Variants in LDHC observed in about 807,000 individuals in gnomAD.
LDHC encodes lactate dehydrogenase C.
A neutral mutation model predicts 30.2 loss-of-function variants in LDHC; 20 were observed. That is an observed-to-expected ratio of 0.66 (90% CI 0.47 to 0.96). The LOEUF (loss-of-function observed/expected upper bound fraction) is 0.96. Ranked by LOEUF, LDHC falls within the 40% of genes least tolerant of loss-of-function variation. The pLI is 0.00. For synonymous variants in LDHC, 139 were observed against 132.7 expected (o/e 1.05, Z -0.32); for missense variants, 362 against 394.9 (o/e 0.92, Z 0.71).
chr11:18,434,601 C>T (rs1182286527), intron 4 of LDHC, 139 bp from the exon 5 acceptor site: 1 of 585,774 alleles, frequency 1.7e-6, no homozygotes. Context: ...GCGTGAGCCA[C>T]CGCACCCAGC....
At chr11:18,429,985 T>C (rs1018782625) in intron 4 of LDHC, 75 bp downstream of exon 4, 3 of 895,852 alleles carry the variant, frequency 3.3e-6, no homozygotes, top group African/African-American at 3.3e-5. Flanking sequence ...ATCAACTTCA[T>C]TGAGTTAACA....
At chr11:18,430,094 A>C (rs1046107746) in intron 4 of LDHC, among the ~76,000 whole-genome samples, 184 bp downstream of exon 4, 1 of 152,186 alleles carries the variant, frequency 6.6e-6, no homozygotes, top group Non-Finnish European at 1.5e-5. Context: ...AAGATACAAA[A>C]CATTTCAGCT....
At chr11:18,412,479 G>C in intron 1 of LDHC, 71 bp downstream of exon 1, 2 of 452,694 alleles carry the variant, frequency 4.4e-6, no homozygotes, top group Non-Finnish European at 4.1e-6. Context: ...GTGTGGTGCT[G>C]GGGTGAAAGT....
At chr11:18,432,035 A>C (rs1590229741) in intron 4 of LDHC, among the ~76,000 whole-genome samples, 1 of 151,736 alleles carries the variant, frequency 6.6e-6, no homozygotes, top group East Asian at 1.9e-4. Context: ...TTGTTTCTCT[A>C]GTTCCTTGAG....
intron 6 of LDHC, among the ~76,000 whole-genome samples, chr11:18,439,828 A>AAAAC (rs1554964770): frequency 6.9e-6 from 1 of 144,830 alleles, no homozygotes; most frequent in Admixed American, 7.1e-5. Context: ...AAAAAAAAAA[A>AAAAC]AAAAAAAACA....
chr11:18,442,685 CAG>C (rs1180153437), intron 6 of LDHC, among the ~76,000 whole-genome samples: 10 of 111,394 alleles, frequency 9.0e-5, no homozygotes, highest in Admixed American at 4.9e-4. Flanking sequence ...TTTTTTGAGA[CAG>C]AGTCTTGCTC....
chr11:18,446,241 A>G lies in LDHC; in HGVS notation c.742A>G (p.Thr248Ala). ...TGAAATTATCAAGCTGAAGGGGTAT[A>G]CCTCTTGGGCTATTGGACTGTCTGT... ...AYEIIKLKGY[T>A]SWAIGLSVMD... Residue 248 changes from threonine (T) to alanine (A), a missense_variant, in exon 7 of 8, where the codon ACC (threonine) becomes GCC (alanine). Physicochemically the swap from Thr to Ala is moderately conservative, Grantham distance 58. Coordinates refer to ENST00000541669, the MANE Select transcript of LDHC (RefSeq NM_017448.5). 1 of 1,602,694 alleles carries G rather than the reference A, an allele frequency of 6.2e-7. No individual in the cohort carries two copies. Among genetic ancestry groups the G allele is most frequent in the Non-Finnish European group, 8.5e-7 (1 of 1,169,782 alleles).
rs2133847371 is a variant in LDHC at position 18,446,424 on chromosome 11, G to A, written c.834+91G>A. The A allele has an allele frequency of 1.5e-5, 14 of 946,650 alleles. No homozygotes were observed. The East Asian group carries it at 1.5e-4, about 10-fold the overall frequency. The allele number at this position is 946,650 out of a possible 1,614,324, so 58.6% of individuals were successfully genotyped here. ...GCCAGGCAGTGTACAAGATGTTGAG[G>A]ATATAATAGTGAATAAAAAATACAA... On this transcript the variant is annotated intron_variant, in intron 7 of 7. Transcript: ENST00000541669.
chr11:18,421,649 G>T (rs1848055448), intron 3 of LDHC, among the ~76,000 whole-genome samples: 1 of 150,468 alleles, frequency 6.6e-6, no homozygotes, highest in Admixed American at 6.6e-5. Context: ...CTCCAGCCTG[G>T]GTGACAAGAG....
At chr11:18,415,736 A>C (rs1484836480) in intron 3 of LDHC, among the ~76,000 whole-genome samples, 2 of 151,810 alleles carry the variant, frequency 1.3e-5, no homozygotes, top group Non-Finnish European at 2.9e-5. Context: ...TCTGTTGCCC[A>C]GGCTGGAGTG....
chr11:18,439,397 T>C (rs974512951), intron 6 of LDHC, among the ~76,000 whole-genome samples: 2 of 149,022 alleles, frequency 1.3e-5, no homozygotes, highest in Non-Finnish European at 3.0e-5. Flanking sequence ...ACCCCATCTC[T>C]TCTAAAAATA....
chr11:18,439,828 AAAAAAAAAC>A (rs1355661007), intron 6 of LDHC, among the ~76,000 whole-genome samples: 1 of 144,830 alleles, frequency 6.9e-6, no homozygotes, highest in Non-Finnish European at 1.5e-5. Flanking sequence ...AAAAAAAAAA[AAAAAAAAAC>A]AAAAATTAGC....
intron 2 of LDHC, among the ~76,000 whole-genome samples, chr11:18,414,391 A>G (rs1004298311): frequency 2.6e-4 from 39 of 152,174 alleles, no homozygotes; most frequent in African/African-American, 8.2e-4. Flanking sequence ...TGGAAAAGAG[A>G]AATTCTATTA....
Position 18,438,635 on chromosome 11 carries a change from G to A in LDHC, c.700G>A (p.Val234Ile). ...KEHWKNIHKQ[V>I]IQSAYEIIKL... ...ACACTGGAAAAATATCCATAAACAA[G>A]TTATTCAAAGGTAATAGTACCTATT... is the stretch of plus-strand genomic sequence containing the variant. Residue 234 changes from valine (V) to isoleucine (I), a missense_variant, in exon 6 of 8, where the codon GTT becomes ATT. Physicochemically the swap from Val to Ile is conservative, Grantham distance 29. Coordinates refer to ENST00000541669, the MANE Select transcript of LDHC (RefSeq NM_017448.5). 1.3e-6 allele frequency: 2 copies of A among 1,564,290 alleles called. No homozygotes were observed. Among genetic ancestry groups the A allele is most frequent in the Non-Finnish European group, 1.8e-6 (2 of 1,135,006 alleles).
At chr11:18,442,854 G>A (rs1445698102) in intron 6 of LDHC, among the ~76,000 whole-genome samples, 1 of 151,640 alleles carries the variant, frequency 6.6e-6, no homozygotes, top group African/African-American at 2.4e-5. Context: ...GTACAGATGG[G>A]GTTTCACCAT....
rs77219016 is a variant in LDHC, at chr11:18,438,391, A to C, written c.593-137A>C. ...TCCCACCCCCAACACTAGCGGTTAC[A>C]TTTCAACATGAGATTTGGAGGAGAC... On this transcript the variant is annotated intron_variant, in intron 5 of 7. Transcript: ENST00000541669. The C allele has an allele frequency of 1.1e-3, 701 of 619,720 alleles. 8 individuals carry two copies. The African/African-American group carries it at 0.012, about 10-fold the overall frequency. The allele number at this position is 619,720 out of a possible 1,614,324, so 38.4% of individuals were successfully genotyped here. A position where few individuals can be genotyped will look rare whatever the true frequency, so the allele number is the denominator to read the frequency against.
At chr11:18,412,893 G>A (rs1441878845) in intron 2 of LDHC, 50 bp downstream of exon 2, 2 of 1,581,180 alleles carry the variant, frequency 1.3e-6, no homozygotes, top group Non-Finnish European at 1.7e-6. Context: ...GCACTTCAGA[G>A]TGTTGTATAT....
At chr11:18,445,678 TA>T (rs1848542459) in intron 6 of LDHC, among the ~76,000 whole-genome samples, 1 of 152,096 alleles carries the variant, frequency 6.6e-6, no homozygotes, top group Non-Finnish European at 1.5e-5. Flanking sequence ...AATTTTTACT[TA>T]AAAAAAGTAG....
At chr11:18,448,764 A>G (rs146910708) in intron 7 of LDHC, among the ~76,000 whole-genome samples, 5 of 148,972 alleles carry the variant, frequency 3.4e-5, no homozygotes, top group African/African-American at 1.2e-4. Flanking sequence ...TTGTGTGTCA[A>G]ATAGGGAATT....
Sources: gnomAD v4.1 joint callset for allele counts (sites outside exome capture counted in the v4.1 genomes callset) on GRCh38, gnomAD v4.1.1 for gene constraint, MANE v1.5 for transcripts, NCBI Gene and HGNC (gene_info 2026-07-23, HGNC 2026-07-21) for gene names.